Variants in CFDP1 observed in about 807,000 individuals in gnomAD.
The protein encoded by CFDP1 is heterochromatin-stabilizing protein CFDP1.
Under a neutral mutation model 40.1 loss-of-function variants are expected in CFDP1, and 31 were observed. That is an observed-to-expected ratio of 0.77 (90% confidence interval 0.58 to 1.04). The LOEUF (loss-of-function observed/expected upper bound fraction) is 1.04, where lower values mean the gene tolerates loss of function less well. Among genes scored for constraint, CFDP1 ranks in the 50% least tolerant of loss-of-function variants. The pLI is 0.00. For missense variants in CFDP1, 423 were observed against 343.4 expected, an observed-to-expected ratio of 1.23 and a Z score of -1.83; for synonymous variants, 167 against 120.0, an observed-to-expected ratio of 1.39 and a Z score of -2.56.
chr16:75,432,565 G>A (rs983884747), intron 1 of CFDP1, among the ~76,000 whole-genome samples: 1 of 151,784 alleles, frequency 6.6e-6, no homozygotes. Flanking sequence ...AAACAGAACA[G>A]AACAAAGTAA....
chr16:75,385,216 T>C (rs905370555), intron 5 of CFDP1, among the ~76,000 whole-genome samples: 1 of 152,058 alleles, frequency 6.6e-6, no homozygotes, highest in African/African-American at 2.4e-5. Flanking sequence ...CTGACGTAAG[T>C]ATGAATGGAG....
At chr16:75,375,447 C>T (rs907689226) in intron 5 of CFDP1, among the ~76,000 whole-genome samples, 4 of 152,054 alleles carry the variant, frequency 2.6e-5, no homozygotes. Flanking sequence ...GTTTTCAGAG[C>T]AATGCAAACT....
chr16:75,319,779 T>G (rs1375617748), intron 5 of CFDP1, among the ~76,000 whole-genome samples: 1 of 152,202 alleles, frequency 6.6e-6, no homozygotes, highest in African/African-American at 2.4e-5. Flanking sequence ...ACCCAGGATT[T>G]AAAGAGCCCT....
At chr16:75,425,877 A>C (rs562089443) in intron 1 of CFDP1, among the ~76,000 whole-genome samples, 13 of 150,562 alleles carry the variant, frequency 8.6e-5, no homozygotes, top group African/African-American at 2.7e-4. Flanking sequence ...CTCCACTAAA[A>C]ATACAAAAAT....
chr16:75,327,700 G>A (rs1166021227), intron 5 of CFDP1, among the ~76,000 whole-genome samples: 2 of 152,064 alleles, frequency 1.3e-5, no homozygotes, highest in Non-Finnish European at 2.9e-5. Context: ...GAACAATACT[G>A]GATAATCAGG....
chr16:75,419,816 C>T (rs1489824270), intron 1 of CFDP1, among the ~76,000 whole-genome samples: 1 of 152,168 alleles, frequency 6.6e-6, no homozygotes, highest in East Asian at 1.9e-4. Flanking sequence ...GAATAATCCA[C>T]CCCTTGTTTA....
Position 75,433,420 on chromosome 16 carries a change from G to C in CFDP1, c.-68C>G. The C allele has an allele frequency of 4.1e-6, 6 of 1,476,418 alleles. No homozygotes were observed. In the South Asian group the frequency reaches 6.0e-5, roughly 15 times the overall value. The allele number at this position is 1,476,418 out of a possible 1,614,324, so 91.5% of individuals were successfully genotyped here. On this transcript the variant is annotated 5_prime_UTR_variant, in exon 1 of 7. Coordinates refer to ENST00000283882, the MANE Select transcript of CFDP1 (RefSeq NM_006324.3). ...AGCCGCCTCCAACGGCAAAGCTCTA[G>C]GGAGAGACCATAGAGCCCCGGCGGC...
intron 1 of CFDP1, among the ~76,000 whole-genome samples, chr16:75,421,981 A>T (rs2079285644): frequency 6.6e-6 from 1 of 152,246 alleles, no homozygotes; most frequent in Non-Finnish European, 1.5e-5. Context: ...ACCCAATATA[A>T]GTGCTATATG....
At chr16:75,421,419 C>G (rs1160789448) in intron 1 of CFDP1, among the ~76,000 whole-genome samples, 1 of 152,068 alleles carries the variant, frequency 6.6e-6, no homozygotes, top group Non-Finnish European at 1.5e-5. Context: ...CAAAACCCCC[C>G]AAAACCTCAA....
At chr16:75,348,832 C>A (rs752699923) in intron 5 of CFDP1, among the ~76,000 whole-genome samples, 19 of 152,088 alleles carry the variant, frequency 1.2e-4, no homozygotes, top group Admixed American at 9.8e-4. Context: ...TATTCCTATT[C>A]TTTTTGATGC....
At chr16:75,406,081 A>G (rs1241408041) in intron 4 of CFDP1, among the ~76,000 whole-genome samples, 2 of 152,124 alleles carry the variant, frequency 1.3e-5, no homozygotes, top group African/African-American at 4.8e-5. Context: ...ATCTCTACAA[A>G]AAAATAAAAT....
chr16:75,334,961 AAAAAAAAGAAAAG>A (rs948590362), intron 5 of CFDP1, among the ~76,000 whole-genome samples: 6 of 152,298 alleles, frequency 3.9e-5, no homozygotes, highest in Admixed American at 3.3e-4. Context: ...TGCCTCAAAA[AAAAAAAAGAAAAG>A]AAAAAAAGAA....
chr16:75,367,054 C>A (rs2078719187), intron 5 of CFDP1, among the ~76,000 whole-genome samples: 1 of 150,972 alleles, frequency 6.6e-6, no homozygotes. Flanking sequence ...ATCCCAGCTA[C>A]CTGGGAGGCT....
intron 5 of CFDP1, among the ~76,000 whole-genome samples, chr16:75,356,192 A>G (rs1490900694): frequency 6.6e-6 from 1 of 152,250 alleles, no homozygotes; most frequent in Non-Finnish European, 1.5e-5. Context: ...TACGGCAGCT[A>G]TAGCCTTATT....
intron 5 of CFDP1, among the ~76,000 whole-genome samples, chr16:75,318,606 G>C (rs567291967): frequency 6.6e-6 from 1 of 151,868 alleles, no homozygotes; most frequent in Non-Finnish European, 1.5e-5. Flanking sequence ...GGGTTTCACC[G>C]TGTTAGCCAG....
chr16:75,431,643 GAAAAA>G (rs947444445), intron 1 of CFDP1, among the ~76,000 whole-genome samples: 2 of 150,716 alleles, frequency 1.3e-5, no homozygotes, highest in Non-Finnish European at 3.0e-5. Flanking sequence ...TGTCTCGAAA[GAAAAA>G]AAAACACTGA....
At chr16:75,321,958 G>C (rs1254625609) in intron 5 of CFDP1, 1 of 152,178 alleles carries the variant, frequency 6.6e-6, no homozygotes, top group Non-Finnish European at 1.5e-5. Flanking sequence ...CGAGTAGCTG[G>C]GACTACAGGC....
At chr16:75,411,006 G>T (rs2079157637) in intron 4 of CFDP1, among the ~76,000 whole-genome samples, 1 of 151,726 alleles carries the variant, frequency 6.6e-6, no homozygotes, top group African/African-American at 2.4e-5. Context: ...ATCACCTGAG[G>T]TCAGGAGTTC....
intron 5 of CFDP1, among the ~76,000 whole-genome samples, chr16:75,366,246 T>C (rs1182893732): frequency 1.3e-5 from 2 of 151,966 alleles, no homozygotes; most frequent in African/African-American, 4.8e-5. Flanking sequence ...AAAACATTTG[T>C]TTTCTGGCAG....
Sources: allele counts gnomAD v4.1 joint callset (sites outside exome capture counted in the v4.1 genomes callset), GRCh38; gene constraint gnomAD v4.1.1; transcripts MANE v1.5; gene names NCBI Gene and HGNC (gene_info 2026-07-23, HGNC 2026-07-21).